THADA: variants seen among roughly 807,000 people sequenced by gnomAD.
THADA encodes the protein tRNA (32-2'-O)-methyltransferase regulator THADA.
THADA carries 213 observed loss-of-function variants against 219.8 expected under a neutral mutation model. That is an observed-to-expected ratio of 0.97 (90% confidence interval 0.87 to 1.09). The LOEUF is 1.09. THADA is among the 50% of genes least tolerant of loss of function. The pLI is 0.00. For synonymous variants in THADA, 1,018 were observed against 828.9 expected (o/e 1.23, Z -3.92); for missense variants, 2,956 against 2,311.3 (o/e 1.28, Z -5.72).
At chr2:43,552,149 A>T in intron 18 of THADA, 55 bp downstream of exon 18, 1 of 1,567,628 alleles carries the variant, frequency 6.4e-7, no homozygotes. Context: ...ACCAGAGGTT[A>T]AAGCTCAGAA....
intron 14 of THADA, among the ~76,000 whole-genome samples, chr2:43,569,066 G>A (rs1699006764): frequency 6.6e-6 from 1 of 152,024 alleles, no homozygotes; most frequent in Non-Finnish European, 1.5e-5. Flanking sequence ...TCACCTCCCA[G>A]ACTCCAGCAA....
intron 16 of THADA, among the ~76,000 whole-genome samples, chr2:43,557,636 G>C (rs772723062): frequency 6.6e-6 from 1 of 152,212 alleles, no homozygotes; most frequent in African/African-American, 2.4e-5. Flanking sequence ...TGTAGTCATG[G>C]AAAGGCACTG....
At chr2:43,477,732 C>T (rs1685708006) in intron 26 of THADA, among the ~76,000 whole-genome samples, 1 of 152,244 alleles carries the variant, frequency 6.6e-6, no homozygotes, top group African/African-American at 2.4e-5. Context: ...CTGATAGTCT[C>T]AGAACCTACT....
At chr2:43,287,171 A>C in intron 34 of THADA, 110 bp from the exon 35 acceptor site, 1 of 960,134 alleles carries the variant, frequency 1.0e-6, no homozygotes. Flanking sequence ...TCTTAGCTCA[A>C]TGGGAAGAAA....
chr2:43,505,782 T>C (rs759357450), intron 23 of THADA, 47 bp from the exon 24 acceptor site: 5 of 1,349,118 alleles, frequency 3.7e-6, no homozygotes, highest in South Asian at 1.3e-5. Flanking sequence ...AGTTTACATA[T>C]ACTTGTTTGC....
intron 26 of THADA, among the ~76,000 whole-genome samples, chr2:43,446,468 T>C (rs1283641873): frequency 2.0e-5 from 3 of 152,208 alleles, no homozygotes; most frequent in African/African-American, 7.2e-5. Flanking sequence ...AGAGGCCACT[T>C]TGGCCCCCAG....
chr2:43,444,132 C>T (rs774025605), intron 26 of THADA, among the ~76,000 whole-genome samples: 3 of 152,142 alleles, frequency 2.0e-5, no homozygotes, highest in Non-Finnish European at 2.9e-5. Flanking sequence ...TAAAAATCAC[C>T]ACGAACTTAC....
chr2:43,520,529 A>C (rs1181370839), intron 22 of THADA, among the ~76,000 whole-genome samples: 1 of 152,048 alleles, frequency 6.6e-6, no homozygotes, highest in South Asian at 2.1e-4. Flanking sequence ...CTCTACAAAA[A>C]ATACAAAGAA....
chr2:43,504,004 G>A (rs2105079813), intron 24 of THADA, among the ~76,000 whole-genome samples: 1 of 152,088 alleles, frequency 6.6e-6, no homozygotes, highest in African/African-American at 2.4e-5. Context: ...AATGCTAATT[G>A]GAGCATTTTA....
At chr2:43,432,265 C>T (rs1237378825) in intron 26 of THADA, among the ~76,000 whole-genome samples, 1 of 152,222 alleles carries the variant, frequency 6.6e-6, no homozygotes, top group Non-Finnish European at 1.5e-5. Context: ...TCTGGGATTA[C>T]AGGCGTGAGC....
In THADA at chr2:43,295,224, A is replaced by G. The variant is rs188074041; in HGVS notation, c.4439-2011T>C. 7.0e-4 allele frequency among the ~76,000 whole-genome samples: 107 copies of G among 152,396 alleles called. 1 individual carries two copies. Among genetic ancestry groups the G allele is most frequent in the African/African-American group, 2.3e-3 (97 of 41,592 alleles). ...GAGACCCTATCTCAAAAACGCATAC[A>G]AAGTAGTTGGCAAACTTCAATTTCA... On this transcript the variant is annotated intron_variant, in intron 31 of 37. Coordinates refer to ENST00000405975, the MANE Select transcript of THADA (RefSeq NM_022065.5).
chr2:43,374,145 A>G (rs1434549898), intron 29 of THADA, among the ~76,000 whole-genome samples: 1 of 152,240 alleles, frequency 6.6e-6, no homozygotes, highest in African/African-American at 2.4e-5. Flanking sequence ...CATTAAGCCT[A>G]TGTTTGGAGA....
chr2:43,466,024 A>AGTAAGAC (rs1166481879), intron 26 of THADA, among the ~76,000 whole-genome samples: 2 of 152,150 alleles, frequency 1.3e-5, no homozygotes, highest in African/African-American at 4.8e-5. Flanking sequence ...AGTCCTATCA[A>AGTAAGAC]ATCTACTGTC....
At chr2:43,571,339 C>T (rs975465698) in intron 13 of THADA, among the ~76,000 whole-genome samples, 1 of 150,886 alleles carries the variant, frequency 6.6e-6, no homozygotes, top group Non-Finnish European at 1.5e-5. Flanking sequence ...GCAACCTCCG[C>T]TCCTAGGTTC....
At chr2:43,528,633 T>A (rs1693482156) in intron 21 of THADA, among the ~76,000 whole-genome samples, 1 of 152,164 alleles carries the variant, frequency 6.6e-6, no homozygotes, top group Non-Finnish European at 1.5e-5. Flanking sequence ...CATCTTTAAC[T>A]GCTACACTAG....
chr2:43,521,187 G>A (rs1379996181), intron 22 of THADA, among the ~76,000 whole-genome samples: 1 of 151,386 alleles, frequency 6.6e-6, no homozygotes, highest in East Asian at 2.0e-4. Flanking sequence ...GAGGGAAGAA[G>A]GAAGGAAAGA....
At chr2:43,276,267 G>A (rs1299498989) in intron 36 of THADA, among the ~76,000 whole-genome samples, 2 of 152,222 alleles carry the variant, frequency 1.3e-5, no homozygotes, top group African/African-American at 4.8e-5. Flanking sequence ...GCTCCCTGAT[G>A]TCCATACTTC....
intron 22 of THADA, among the ~76,000 whole-genome samples, chr2:43,515,221 TATATATA>T (rs1558892114): frequency 0.015 from 212 of 13,732 alleles, 21 homozygotes; most frequent in Non-Finnish European, 0.018. Flanking sequence ...TATAATATAT[TATATATA>T]ATATATAATA....
intron 29 of THADA, among the ~76,000 whole-genome samples, chr2:43,395,533 T>C (rs1673923736): frequency 6.7e-6 from 1 of 150,330 alleles, no homozygotes; most frequent in Admixed American, 6.6e-5. Context: ...GACTAGATTA[T>C]CTGAAACTGC....
Sources: allele counts gnomAD v4.1 joint callset (sites outside exome capture counted in the v4.1 genomes callset), GRCh38; gene constraint gnomAD v4.1.1; transcripts MANE v1.5; gene names NCBI Gene and HGNC (gene_info 2026-07-23, HGNC 2026-07-21).